Variants in CACNG2 observed in about 807,000 individuals in gnomAD.
CACNG2 encodes calcium voltage-gated channel auxiliary subunit gamma 2.
CACNG2 carries 3 observed loss-of-function variants against 25.9 expected under a neutral mutation model. That is an observed-to-expected ratio of 0.12 (90% CI 0.05 to 0.30). The LOEUF (loss-of-function observed/expected upper bound fraction) is 0.30, where lower values mean the gene tolerates loss of function less well. Ranked by LOEUF, CACNG2 falls within the 10% of genes least tolerant of loss-of-function variation. The pLI, the probability that CACNG2 is intolerant of heterozygous loss-of-function variation, is 1.00. For missense variants in CACNG2, 341 were observed against 432.5 expected (o/e 0.79, Z 1.88); for synonymous variants, 167 against 173.3 (o/e 0.96, Z 0.29).
intron 1 of CACNG2, among the ~76,000 whole-genome samples, chr22:36,616,998 T>A (rs1198434574): frequency 6.6e-6 from 1 of 152,038 alleles, no homozygotes; most frequent in Non-Finnish European, 1.5e-5. Context: ...CAAGTTATGG[T>A]GCATGTGGGT....
intron 1 of CACNG2, among the ~76,000 whole-genome samples, chr22:36,668,524 T>C (rs2145990560): frequency 6.6e-6 from 1 of 151,896 alleles, no homozygotes; most frequent in East Asian, 1.9e-4. Context: ...GATCTTGCTC[T>C]GTTGCCCAGG....
intron 2 of CACNG2, among the ~76,000 whole-genome samples, chr22:36,576,045 G>T (rs767940044): frequency 6.6e-6 from 1 of 152,186 alleles, no homozygotes; most frequent in Non-Finnish European, 1.5e-5. Context: ...GCCAATGGCC[G>T]TGAGAAGGGA....
chr22:36,634,252 G>A (rs955893052), intron 1 of CACNG2, among the ~76,000 whole-genome samples: 4 of 152,182 alleles, frequency 2.6e-5, no homozygotes, highest in Admixed American at 1.3e-4. Context: ...CCACAGGCCT[G>A]GGATCTGACC....
chr22:36,691,577 ATAAT>A (rs1322619661), intron 1 of CACNG2, among the ~76,000 whole-genome samples: 2 of 152,206 alleles, frequency 1.3e-5, no homozygotes, highest in African/African-American at 2.4e-5. Context: ...AATGGAAGAT[ATAAT>A]TAGTGTCATA....
chr22:36,643,384 C>G lies in CACNG2; in HGVS notation c.212-55836G>C, dbSNP rs76896568. Among the ~76,000 whole-genome samples, 438 of 151,952 alleles carry G rather than the reference C, an allele frequency of 2.9e-3. 2 individuals carry two copies. Among genetic ancestry groups the G allele is most frequent in the African/African-American group, 9.9e-3 (411 of 41,436 alleles). ...CCCCAACTATATGCTGTGCCCTATC[C>G]TAGTCCTTTGGGATATAGAAATGAA... On this transcript the variant is annotated intron_variant, in intron 1 of 3. Transcript: ENST00000300105.
chr22:36,665,168 C>A (rs9607365), intron 1 of CACNG2, among the ~76,000 whole-genome samples: 34,410 of 152,162 alleles, frequency 0.23, 4,158 homozygotes, highest in Middle Eastern at 0.32. Flanking sequence ...CTTCTCTTCC[C>A]AGTGTCTGCC....
At chr22:36,645,640 G>A (rs918941282) in intron 1 of CACNG2, among the ~76,000 whole-genome samples, 1 of 152,058 alleles carries the variant, frequency 6.6e-6, no homozygotes, top group Admixed American at 6.6e-5. Flanking sequence ...GGCAGGGAGA[G>A]GGAGAATATA....
intron 1 of CACNG2, among the ~76,000 whole-genome samples, chr22:36,700,629 T>G (rs1205848057): frequency 6.6e-6 from 1 of 152,256 alleles, no homozygotes; most frequent in Non-Finnish European, 1.5e-5. Flanking sequence ...AATGTTTAAT[T>G]AAATGGAAGT....
chr22:36,688,198 C>A (rs1937225170), intron 1 of CACNG2, among the ~76,000 whole-genome samples: 1 of 152,128 alleles, frequency 6.6e-6, no homozygotes, highest in South Asian at 2.1e-4. Flanking sequence ...CGGGGAAAAT[C>A]ACTCTTTCTT....
At chr22:36,590,577 G>A (rs1935575447) in intron 1 of CACNG2, among the ~76,000 whole-genome samples, 1 of 152,062 alleles carries the variant, frequency 6.6e-6, no homozygotes, top group African/African-American at 2.4e-5. Flanking sequence ...ATGTCTCTGA[G>A]ACAGCACCGC....
intron 1 of CACNG2, among the ~76,000 whole-genome samples, chr22:36,592,535 T>C (rs1336917679): frequency 2.0e-5 from 3 of 152,186 alleles, no homozygotes; most frequent in African/African-American, 7.2e-5. Flanking sequence ...ACATTCGCTG[T>C]TGTTTTCTAT....
intron 1 of CACNG2, among the ~76,000 whole-genome samples, chr22:36,623,012 G>GT (rs1260485985): frequency 0.048 from 2,197 of 45,476 alleles, 61 homozygotes; most frequent in African/African-American, 0.057. Context: ...CAAAACATGG[G>GT]TTTTTTTTTT....
chr22:36,625,297 C>T (rs1223088217), intron 1 of CACNG2, among the ~76,000 whole-genome samples: 1 of 152,190 alleles, frequency 6.6e-6, no homozygotes, highest in Non-Finnish European at 1.5e-5. Context: ...GTTGCATCCA[C>T]TCTCTGGGCC....
In CACNG2 at chr22:36,587,534, G is replaced by A. The variant is rs755507806; in HGVS notation, c.226C>T (p.Leu76=). The A allele has an allele frequency of 9.3e-6, 15 of 1,613,028 alleles. No individual in the cohort carries two copies. The highest frequency in any genetic ancestry group is 1.2e-5 in the Non-Finnish European group (14 of 1,178,942). ...TCCLEGNFKG[L]CKQIDHFPED... ...GGGAAGTGATCAATTTGCTTGCACA[G>A]ACCTTTGAAATTCCCTGCAAAACAA... Residue 76 remains leucine, a synonymous_variant, in exon 2 of 4, where the codon CTG becomes TTG. Transcript: ENST00000300105.
At chr22:36,675,978 T>A (rs954375885) in intron 1 of CACNG2, among the ~76,000 whole-genome samples, 1 of 152,174 alleles carries the variant, frequency 6.6e-6, no homozygotes, top group Non-Finnish European at 1.5e-5. Context: ...ATGGCTGCCA[T>A]CCTGAATTTG....
chr22:36,623,871 A>G (rs6000355), intron 1 of CACNG2, among the ~76,000 whole-genome samples: 80,983 of 151,994 alleles, frequency 0.53, 23,559 homozygotes, highest in Non-Finnish European at 0.64. Flanking sequence ...TGTCAGGATG[A>G]AGAGACTGGG....
intron 1 of CACNG2, among the ~76,000 whole-genome samples, chr22:36,608,567 T>C (rs1020090682): frequency 3.3e-5 from 5 of 152,238 alleles, no homozygotes; most frequent in Non-Finnish European, 5.9e-5. Context: ...GTTCTATTAA[T>C]GAGCCTGTTC....
In CACNG2 at chr22:36,561,157, A is replaced by G. The variant is rs1312521795; in HGVS notation, c.*3194T>C. ...CACCCCAGTGGCTTTCTTCAAGCAC[A>G]CCCAGAACCCAGGCCTTGCGCCATG... On this transcript the variant is annotated 3_prime_UTR_variant, in exon 4 of 4. Coordinates refer to ENST00000300105, the MANE Select transcript of CACNG2 (RefSeq NM_006078.5). 1 of 152,174 alleles carries G rather than the reference A, an allele frequency of 6.6e-6. No homozygotes were observed. Among genetic ancestry groups the G allele is most frequent in the Non-Finnish European group, 1.5e-5 (1 of 68,052 alleles). The allele number at this position is 152,174 out of a possible 1,614,324, so 9.4% of individuals were successfully genotyped here. A position where few individuals can be genotyped will look rare whatever the true frequency, so the allele number is the denominator to read the frequency against.
chr22:36,575,658 G>A (rs185938424), intron 2 of CACNG2, among the ~76,000 whole-genome samples: 82 of 152,254 alleles, frequency 5.4e-4, no homozygotes, highest in African/African-American at 1.9e-3. Flanking sequence ...TGATGAGGTT[G>A]GAGTAGACGA....
Sources: gnomAD v4.1 joint callset for allele counts (sites outside exome capture counted in the v4.1 genomes callset) on GRCh38, gnomAD v4.1.1 for gene constraint, MANE v1.5 for transcripts, NCBI Gene and HGNC (gene_info 2026-07-23, HGNC 2026-07-21) for gene names.